Variants in GALNT1 observed in about 807,000 individuals in gnomAD.
GALNT1 encodes the protein GalNAc transferase 1.
In GALNT1, 17 loss-of-function variants were observed where a neutral mutation model predicts 65.7. The ratio of observed to expected loss-of-function variants is 0.26; its 90% CI spans 0.18 to 0.39. The LOEUF (loss-of-function observed/expected upper bound fraction) is 0.39. Ranked by LOEUF, GALNT1 falls within the 10% of genes least tolerant of loss-of-function variation. The pLI, the probability that GALNT1 is intolerant of heterozygous loss-of-function variation, is 1.00. For missense variants in GALNT1, 460 were observed against 672.8 expected (o/e 0.68, Z 3.50); for synonymous variants, 210 against 219.7 (o/e 0.96, Z 0.39).
chr18:35,606,685 C>G (rs1368846152), intron 1 of GALNT1, among the ~76,000 whole-genome samples: 1 of 152,106 alleles, frequency 6.6e-6, no homozygotes, highest in Non-Finnish European at 1.5e-5. Context: ...ATAGGAAGAC[C>G]TTGCCCATCA....
chr18:35,623,903 T>C (rs1388951088), intron 1 of GALNT1, among the ~76,000 whole-genome samples: 1 of 152,226 alleles, frequency 6.6e-6, no homozygotes, highest in Non-Finnish European at 1.5e-5. Context: ...ATCCATTGAC[T>C]GCTTATTTTC....
At chr18:35,704,147 T>A (rs2048213821) in intron 11 of GALNT1, among the ~76,000 whole-genome samples, 1 of 152,194 alleles carries the variant, frequency 6.6e-6, no homozygotes, top group African/African-American at 2.4e-5. Context: ...ATTAGTTCAA[T>A]TAAAGCATCC....
intron 10 of GALNT1, 45 bp downstream of exon 10, chr18:35,703,040 T>G: frequency 8.5e-7 from 1 of 1,179,184 alleles, no homozygotes; most frequent in Non-Finnish European, 1.2e-6. Flanking sequence ...TTTCAGATTG[T>G]TTTTACTTTG....
chr18:35,590,966 A>G (rs532210510), intron 1 of GALNT1, among the ~76,000 whole-genome samples: 19 of 152,222 alleles, frequency 1.2e-4, no homozygotes, highest in Non-Finnish European at 2.6e-4. Flanking sequence ...TAGCCGTGAG[A>G]GTTTCAACTT....
At chr18:35,661,071 TC>T (rs1383085781) in intron 2 of GALNT1, among the ~76,000 whole-genome samples, 85 of 152,338 alleles carry the variant, frequency 5.6e-4, no homozygotes, top group African/African-American at 2.0e-3. Context: ...ACTTTAAGCT[TC>T]TGGTTATATA....
chr18:35,657,504 T>C (rs1432045340), intron 2 of GALNT1, among the ~76,000 whole-genome samples: 1 of 152,140 alleles, frequency 6.6e-6, no homozygotes, highest in East Asian at 1.9e-4. Flanking sequence ...CCTGAGGCTG[T>C]GCATGGTATG....
intron 2 of GALNT1, among the ~76,000 whole-genome samples, chr18:35,659,058 T>G (rs941873060): frequency 2.8e-4 from 43 of 152,236 alleles, no homozygotes; most frequent in African/African-American, 9.4e-4. Flanking sequence ...ATCTTTGTTT[T>G]AAAACAAACA....
chr18:35,587,156 A>C (rs1383992638), intron 1 of GALNT1, among the ~76,000 whole-genome samples: 1 of 152,200 alleles, frequency 6.6e-6, no homozygotes, highest in African/African-American at 2.4e-5. Context: ...CCATGTACTC[A>C]TTGCCAGTAT....
intron 1 of GALNT1, among the ~76,000 whole-genome samples, chr18:35,632,700 G>A (rs2047031260): frequency 6.6e-6 from 1 of 152,144 alleles, no homozygotes; most frequent in Non-Finnish European, 1.5e-5. Context: ...ATTGACAAAT[G>A]GGATCTCATT....
At chr18:35,696,384 T>G (rs530559691) in intron 9 of GALNT1, among the ~76,000 whole-genome samples, 1 of 152,364 alleles carries the variant, frequency 6.6e-6, no homozygotes, top group East Asian at 1.9e-4. Flanking sequence ...TCAGAAAATG[T>G]AAATATGACT....
At chr18:35,657,085 T>C (rs999905606) in intron 2 of GALNT1, among the ~76,000 whole-genome samples, 1 of 151,990 alleles carries the variant, frequency 6.6e-6, no homozygotes, top group African/African-American at 2.4e-5. Flanking sequence ...ATTTTTTTTT[T>C]CATTTTTCTT....
chr18:35,663,721 T>TTTAATCA lies in GALNT1; in HGVS notation c.233_234insTTAATCA (p.Met78IlefsTer2). On this transcript the variant is annotated stop_gained and frameshift_variant, in exon 3 of 12. Coordinates refer to ENST00000269195, the MANE Select transcript of GALNT1 (RefSeq NM_020474.4). LOFTEE classifies it high-confidence loss of function. ...GAGGATCAAGAAAAGATGAAAGAGA[T>TTTAATCA]GTTTAAAATCAATCAGTTCAATTTA... 6.2e-7 allele frequency: 1 copy of TTTAATCA among 1,613,936 alleles called. No individual in the cohort carries two copies. Among genetic ancestry groups the TTTAATCA allele is most frequent in the Non-Finnish European group, 8.5e-7 (1 of 1,179,904 alleles).
At chr18:35,656,482 C>A (rs2047387751) in intron 2 of GALNT1, among the ~76,000 whole-genome samples, 1 of 152,046 alleles carries the variant, frequency 6.6e-6, no homozygotes, top group Non-Finnish European at 1.5e-5. Context: ...TGAGAAGCTG[C>A]AATAAGGAAG....
chr18:35,694,526 A>C (rs1242383681), intron 9 of GALNT1, among the ~76,000 whole-genome samples: 1 of 152,232 alleles, frequency 6.6e-6, no homozygotes, highest in Non-Finnish European at 1.5e-5. Flanking sequence ...GAGGTTTCTC[A>C]AAAAATGCTC....
Position 35,689,225 on chromosome 18 carries a change from G to C in GALNT1, c.913G>C (p.Glu305Gln). The C allele has an allele frequency of 1.9e-6, 3 of 1,613,066 alleles. No homozygotes were observed. The highest frequency in any genetic ancestry group is 2.5e-6 in the Non-Finnish European group (3 of 1,179,520). ...TTCAATAGACAGAGATTACTTTCAG[G>C]AAATTGGAACATATGATGCTGGAAT... Reference protein sequence around the residue: ...LFSIDRDYFQEIGTYDAGMDI... With the variant: ...LFSIDRDYFQQIGTYDAGMDI... Residue 305 changes from glutamate (E) to glutamine (Q), a missense_variant, in exon 7 of 12, where the codon GAA (glutamate) becomes CAA (glutamine). Transcript: ENST00000269195.
chr18:35,706,277 G>A (rs1396933056), intron 11 of GALNT1, among the ~76,000 whole-genome samples: 2 of 152,116 alleles, frequency 1.3e-5, no homozygotes, highest in African/African-American at 2.4e-5. Flanking sequence ...TTGGGAGGCC[G>A]AGGTGGGCGG....
At chr18:35,612,396 A>G (rs910972891) in intron 1 of GALNT1, among the ~76,000 whole-genome samples, 11 of 152,262 alleles carry the variant, frequency 7.2e-5, no homozygotes, top group African/African-American at 2.2e-4. Flanking sequence ...TAGAAATGTG[A>G]AAGATAAGTC....
chr18:35,639,197 A>G (rs1202237851), intron 1 of GALNT1, among the ~76,000 whole-genome samples: 4 of 152,174 alleles, frequency 2.6e-5, no homozygotes, highest in African/African-American at 7.2e-5. Flanking sequence ...TCTTTCATGA[A>G]AGGAAGAGTT....
At chr18:35,644,991 AAAAT>A (rs555079414) in intron 1 of GALNT1, among the ~76,000 whole-genome samples, 61 of 152,108 alleles carry the variant, frequency 4.0e-4, no homozygotes, top group Non-Finnish European at 7.9e-4. Flanking sequence ...ACTCTGTCTC[AAAAT>A]AAATAAATAA....
Sources: gnomAD v4.1 joint callset for allele counts (sites outside exome capture counted in the v4.1 genomes callset) on GRCh38, gnomAD v4.1.1 for gene constraint, MANE v1.5 for transcripts, NCBI Gene and HGNC (gene_info 2026-07-23, HGNC 2026-07-21) for gene names.